Variants in GRAMD4 observed in about 807,000 individuals in gnomAD.
GRAMD4 encodes the protein GRAM domain containing 4.
Under a neutral mutation model 83.9 loss-of-function variants are expected in GRAMD4, and 25 were observed. That is an observed-to-expected ratio of 0.30 (90% CI 0.22 to 0.42). GRAMD4 has a LOEUF of 0.42. Ranked by LOEUF, GRAMD4 falls within the 10% of genes least tolerant of loss-of-function variation. GRAMD4 has a pLI of 1.00. For missense variants in GRAMD4, 593 were observed against 788.7 expected (o/e 0.75, Z 2.97); for synonymous variants, 336 against 320.9 (o/e 1.05, Z -0.50).
chr22:46,601,614 G>T (rs1031496752), intron 1 of GRAMD4, among the ~76,000 whole-genome samples: 3 of 151,986 alleles, frequency 2.0e-5, no homozygotes, highest in Admixed American at 2.0e-4. Context: ...CTGGCAACAC[G>T]GTGAAACCCC....
At chr22:46,639,474 A>G (rs1026786005) in intron 3 of GRAMD4, among the ~76,000 whole-genome samples, 1 of 150,316 alleles carries the variant, frequency 6.7e-6, no homozygotes, top group Non-Finnish European at 1.5e-5. Flanking sequence ...GTGAGTGCAC[A>G]TGTGCGGCAG....
intron 13 of GRAMD4, chr22:46,671,018 T>C (rs112121870): frequency 0.027 from 11,624 of 430,350 alleles, 285 homozygotes; most frequent in African/African-American, 0.069. Flanking sequence ...ATGGCATTCC[T>C]GGCTTATCGG....
At chr22:46,617,708 A>T (rs2081522948), upstream of GRAMD4, among the ~76,000 whole-genome samples, 2 of 152,056 alleles carry the variant, frequency 1.3e-5, no homozygotes, top group Admixed American at 1.3e-4. Flanking sequence ...GTGGCCCCAG[A>T]GCGGGCCATA....
At chr22:46,637,029 G>A (rs567528282) in intron 2 of GRAMD4, among the ~76,000 whole-genome samples, 1 of 152,182 alleles carries the variant, frequency 6.6e-6, no homozygotes, top group South Asian at 2.1e-4. Context: ...TTCGGAGTTT[G>A]CTCACCTCGG....
rs190286851 is a variant in GRAMD4, at chr22:46,590,813, C to A, written c.-50+13523C>A. Among the ~76,000 whole-genome samples the A allele has an allele frequency of 1.8e-3, 276 of 152,330 alleles. 4 individuals are homozygous for A. Among genetic ancestry groups the A allele is most frequent in the African/African-American group, 6.3e-3 (262 of 41,566 alleles). ...CACTGGCTCATGCCTGTAATCCCAA[C>A]ACTTTGGGAGGCCGAGGCAGGTGGA... is the stretch of plus-strand genomic sequence containing the variant. On this transcript the variant is annotated intron_variant, in intron 1 of 1. Transcript: ENST00000431155.
At chr22:46,631,458 G>A (rs2081776582) in intron 2 of GRAMD4, among the ~76,000 whole-genome samples, 1 of 144,678 alleles carries the variant, frequency 6.9e-6, no homozygotes, top group South Asian at 2.3e-4. Context: ...ACCGGGGATG[G>A]GTAGAACCTC....
chr22:46,647,308 T>G (rs2082085636), intron 3 of GRAMD4, among the ~76,000 whole-genome samples: 1 of 152,314 alleles, frequency 6.6e-6, no homozygotes, highest in East Asian at 1.9e-4. Context: ...AATCCCTGTT[T>G]CTCCATCACC....
chr22:46,603,510 C>CTAATTTTTT (rs1169458967), intron 1 of GRAMD4, among the ~76,000 whole-genome samples: 1 of 22,482 alleles, frequency 4.4e-5, no homozygotes. Context: ...CGCCCGGCCT[C>CTAATTTTTT]TTCTCTTTTT....
At chr22:46,614,254 C>T (rs1034247533) in intron 1 of GRAMD4, among the ~76,000 whole-genome samples, 8 of 152,164 alleles carry the variant, frequency 5.3e-5, no homozygotes, top group African/African-American at 1.7e-4. Context: ...GCTGGCATGG[C>T]GGGAGTGTGT....
chr22:46,668,736 A>AGGGG lies in GRAMD4; in HGVS notation c.974+5_974+6insGGGG. On this transcript the variant is annotated splice_donor_region_variant and intron_variant, in intron 12 of 18. Transcript: ENST00000406902. Reference sequence around the variant, plus strand: ...ACATCCTGGAGAAGATCAAGAAGTAAGTCCCGCCCCCCACCCCGGCCCTGC... The same window carrying AGGGG: ...ACATCCTGGAGAAGATCAAGAAGTAAGGGGGTCCCGCCCCCCACCCCGGCCCTGC... 1.9e-5 allele frequency: 22 copies of AGGGG among 1,187,368 alleles called. No homozygotes were observed. Among genetic ancestry groups the AGGGG allele is most frequent in the Non-Finnish European group, 2.4e-5 (20 of 817,870 alleles). The allele number at this position is 1,187,368 out of a possible 1,614,324, so 73.6% of individuals were successfully genotyped here. A position where few individuals can be genotyped will look rare whatever the true frequency, so the allele number is the denominator to read the frequency against.
chr22:46,602,071 T>G (rs781673778), intron 1 of GRAMD4, among the ~76,000 whole-genome samples: 1 of 152,222 alleles, frequency 6.6e-6, no homozygotes, highest in Non-Finnish European at 1.5e-5. Context: ...GGGCTCTCCA[T>G]GGTGGTGCAC....
intron 1 of GRAMD4, among the ~76,000 whole-genome samples, chr22:46,608,351 A>C (rs1276582788): frequency 6.6e-6 from 1 of 152,180 alleles, no homozygotes; most frequent in Non-Finnish European, 1.5e-5. Context: ...ACAGGTGTGA[A>C]GTGGACCTTG....
Position 46,678,251 on chromosome 22 carries a change from C to A in GRAMD4, c.*1000C>A. On this transcript the variant is annotated 3_prime_UTR_variant, in exon 19 of 19. Coordinates refer to ENST00000406902, the MANE Select transcript of GRAMD4 (RefSeq NM_015124.5). The stretch of plus-strand genomic sequence containing the variant: ...GCCCAGGCTGCAGCCGCCTTTGGGC[C>A]ATCCGAGAGGCTCTGGCAGCCCCTG... 1.0e-6 allele frequency: 1 copy of A among 985,442 alleles called. No individual in the cohort carries two copies. The highest frequency in any genetic ancestry group is 1.2e-6 in the Non-Finnish European group (1 of 829,948). The allele number at this position is 985,442 out of a possible 1,614,324, so 61.0% of individuals were successfully genotyped here.
intron 3 of GRAMD4, among the ~76,000 whole-genome samples, chr22:46,640,607 G>T (rs1055078305): frequency 6.6e-6 from 1 of 152,148 alleles, no homozygotes; most frequent in Non-Finnish European, 1.5e-5. Context: ...TGAAGTAAAA[G>T]TGTTGGGTTC....
chr22:46,612,240 C>G (rs1473888227), intron 1 of GRAMD4, among the ~76,000 whole-genome samples: 1 of 152,112 alleles, frequency 6.6e-6, no homozygotes, highest in African/African-American at 2.4e-5. Flanking sequence ...CTCCTGGGCT[C>G]AAGTGATTCT....
intron 3 of GRAMD4, among the ~76,000 whole-genome samples, chr22:46,651,293 C>G (rs1029510011): frequency 1.3e-5 from 2 of 152,228 alleles, no homozygotes; most frequent in Non-Finnish European, 2.9e-5. Flanking sequence ...CTGCTGTGAC[C>G]AGGTCTGCTG....
intron 1 of GRAMD4, among the ~76,000 whole-genome samples, chr22:46,597,550 C>T (rs1433701919): frequency 3.3e-5 from 5 of 152,106 alleles, no homozygotes; most frequent in Admixed American, 6.5e-5. Flanking sequence ...AGTGCAGTGG[C>T]GCGATCCCGG....
intron 1 of GRAMD4, among the ~76,000 whole-genome samples, chr22:46,581,249 A>G (rs2081095626): frequency 6.6e-6 from 1 of 152,278 alleles, no homozygotes; most frequent in African/African-American, 2.4e-5. Context: ...TATCAAAAAC[A>G]TTAATAATAG....
chr22:46,662,944 G>T (rs1242165656), intron 5 of GRAMD4, 96 bp from the exon 6 acceptor site: 6 of 1,201,226 alleles, frequency 5.0e-6, no homozygotes, highest in Non-Finnish European at 5.8e-6. Context: ...CCGCGCCCTT[G>T]CAGTGAGGCC....
Sources: gnomAD v4.1 joint callset for allele counts (sites outside exome capture counted in the v4.1 genomes callset) on GRCh38, gnomAD v4.1.1 for gene constraint, MANE v1.5 for transcripts, NCBI Gene and HGNC (gene_info 2026-07-23, HGNC 2026-07-21) for gene names.